MXRA8: variants seen among roughly 807,000 people sequenced by gnomAD.
The protein encoded by MXRA8 is matrix remodeling-associated protein 8.
In MXRA8, 44 loss-of-function variants were observed where a neutral mutation model predicts 51.4. The observed-to-expected ratio is 0.86, with a 90% CI of 0.67 to 1.10. The LOEUF is 1.10. MXRA8 is among the 50% of genes least tolerant of loss of function. MXRA8 has a pLI of 0.00. For synonymous variants in MXRA8, 369 were observed against 293.5 expected (o/e 1.26, Z -2.63); for missense variants, 765 against 638.9 (o/e 1.20, Z -2.13).
chr1:1,358,122 G>A (rs1644167595), intron 1 of MXRA8, among the ~76,000 whole-genome samples: 1 of 152,172 alleles, frequency 6.6e-6, no homozygotes, highest in African/African-American at 2.4e-5. Flanking sequence ...ACAGTTCTCA[G>A]GTCCCCTTCA....
upstream of MXRA8, chr1:1,361,409 G>A (rs1644220726): frequency 4.4e-6 from 3 of 677,444 alleles, no homozygotes; most frequent in South Asian, 3.1e-5. Flanking sequence ...GGACTGTGCT[G>A]CATGTGGTGG....
In MXRA8 at chr1:1,354,738, G is replaced by A. The variant is rs536931224; in HGVS notation, c.893C>T (p.Pro298Leu). 33 of 1,609,178 alleles carry A rather than the reference G, an allele frequency of 2.1e-5. No homozygotes were observed. In the East Asian group the frequency reaches 3.8e-4, roughly 19 times the overall value. The stretch of plus-strand genomic sequence containing the variant: ...GTTGCCCGGAGAGCCCCGGGGGGGC[G>A]GCTCCGCGTGGGGTTCGGCGACCGT... ...HLTVAEPHAE[P>L]PPRGSPGNGS... is the part of the protein sequence containing the mutation. Residue 298 changes from proline (P) to leucine (L), a missense_variant, in exon 5 of 10, where the codon CCG (proline) becomes CTG (leucine). Coordinates refer to ENST00000309212, the MANE Select transcript of MXRA8 (RefSeq NM_032348.4).
upstream of MXRA8, among the ~76,000 whole-genome samples, chr1:1,361,079 CAT>C (rs1447627812): frequency 6.6e-6 from 1 of 151,556 alleles, no homozygotes; most frequent in East Asian, 1.9e-4. Context: ...CGAACACAGA[CAT>C]GCGCACACAC....
At chr1:1,357,711 G>A (rs896593594) in intron 1 of MXRA8, among the ~76,000 whole-genome samples, 5 of 152,204 alleles carry the variant, frequency 3.3e-5, no homozygotes, top group Admixed American at 6.5e-5. Context: ...TTGGGAGGCC[G>A]AGGCAAGAAA....
upstream of MXRA8, among the ~76,000 whole-genome samples, chr1:1,360,829 C>A (rs926925145): frequency 2.0e-5 from 3 of 152,150 alleles, no homozygotes; most frequent in Admixed American, 1.3e-4. Flanking sequence ...CAGCCAAGCC[C>A]ATATTCACTC....
At chr1:1,361,187 C>A (rs1343604036), upstream of MXRA8, 2 of 703,054 alleles carry the variant, frequency 2.8e-6, no homozygotes, top group Admixed American at 2.0e-5. Context: ...GGTCCACACA[C>A]AGAAACAGAG....
Position 1,353,569 on chromosome 1 carries a change from G to A in MXRA8, c.*35C>T. ...CCCGAGGAGCACAGACAGGAGAGGT[G>A]CAGCTGCTGGCCCAGCCAGGAGCCC... On this transcript the variant is annotated 3_prime_UTR_variant, in exon 10 of 10. Transcript: ENST00000309212. The A allele has an allele frequency of 6.4e-7, 1 of 1,555,228 alleles. No homozygotes were observed. The highest frequency in any genetic ancestry group is 1.2e-5 in the South Asian group (1 of 84,442).
rs1338302447 is a variant in MXRA8 at position 1,358,510 on chromosome 1, C to G, written c.-6G>C. ...ATTCGGGATGGCAGCGCCATGGCCC[C>G]CGCCCAGCCCCAGGCTTTGTCCCAC... is the stretch of plus-strand genomic sequence containing the variant. On this transcript the variant is annotated 5_prime_UTR_variant, in exon 1 of 10. Transcript: ENST00000309212. The G allele has an allele frequency of 3.1e-6, 5 of 1,612,842 alleles. No homozygotes were observed. Among genetic ancestry groups the G allele is most frequent in the Non-Finnish European group, 4.2e-6 (5 of 1,179,520 alleles).
Position 1,356,787 on chromosome 1 carries a change from C to T in MXRA8, c.50-83G>A, listed in dbSNP as rs565732504. ...CCCCCACTTGGCCCCCAGAGTCCCT[C>T]CTGTAGTCCCAAAGTGGATGCTGTG... On this transcript the variant is annotated intron_variant, in intron 1 of 9. Coordinates refer to ENST00000309212, the MANE Select transcript of MXRA8 (RefSeq NM_032348.4). 250 of 1,227,264 alleles carry T rather than the reference C, an allele frequency of 2.0e-4. No homozygotes were observed. In the Middle Eastern group the frequency reaches 3.5e-3, roughly 17 times the overall value. 76.0% of individuals were successfully genotyped at this position (1,227,264 alleles called of 1,614,324 possible). A position where few individuals can be genotyped will look rare whatever the true frequency, so the allele number is the denominator to read the frequency against.
chr1:1,358,958 A>G, upstream of MXRA8: 1 of 985,308 alleles, frequency 1.0e-6, no homozygotes. Flanking sequence ...TCCAGGCCCC[A>G]GAAAGGCCTC....
Position 1,354,743 on chromosome 1 carries a change from C to T in MXRA8, c.888G>A (p.Ala296=), listed in dbSNP as rs763896218. 7 of 1,609,810 alleles carry T rather than the reference C, an allele frequency of 4.3e-6. No individual in the cohort carries two copies. The Admixed American group carries it at 6.7e-5, about 15-fold the overall frequency. The change falls in exon 5 of 10, where the codon GCG becomes GCA. Residue 296 remains alanine, a synonymous_variant. Coordinates refer to ENST00000309212, the MANE Select transcript of MXRA8 (RefSeq NM_032348.4). ...CCGGAGAGCCCCGGGGGGGCGGCTC[C>T]GCGTGGGGTTCGGCGACCGTCAGGT... ...VFHLTVAEPH[A]EPPPRGSPGN...
At chr1:1,354,648 C>A (rs750498297) in intron 5 of MXRA8, 34 bp downstream of exon 5, 5 of 1,539,514 alleles carry the variant, frequency 3.2e-6, no homozygotes, top group Middle Eastern at 2.4e-4. Flanking sequence ...GGGTGGGCTC[C>A]CGCCTTCCCG....
intron 1 of MXRA8, among the ~76,000 whole-genome samples, chr1:1,357,584 A>G (rs1644157849): frequency 6.6e-6 from 1 of 152,226 alleles, no homozygotes; most frequent in Non-Finnish European, 1.5e-5. Flanking sequence ...AGGCAGGTGG[A>G]TCACCTGAGG....
At chr1:1,353,787 G>T in intron 9 of MXRA8, 61 bp downstream of exon 9, 1 of 1,509,020 alleles carries the variant, frequency 6.6e-7, no homozygotes. Flanking sequence ...TTGGTCCCAG[G>T]TGAGGTGGAA....
upstream of MXRA8, among the ~76,000 whole-genome samples, chr1:1,362,228 TCTC>T (rs1014400026): frequency 2.0e-5 from 3 of 152,128 alleles, no homozygotes; most frequent in Admixed American, 1.3e-4. Context: ...ACCACCACTG[TCTC>T]CTCCTCCTGG....
chr1:1,358,982 C>T (rs558568080), upstream of MXRA8: 6 of 985,420 alleles, frequency 6.1e-6, no homozygotes, highest in Non-Finnish European at 7.2e-6. Flanking sequence ...GCGCTGAGAC[C>T]GCCCCCACCC....
upstream of MXRA8, chr1:1,361,374 T>C: frequency 5.7e-6 from 4 of 698,260 alleles, no homozygotes; most frequent in South Asian, 4.5e-5. Context: ...GTGCCAGCCA[T>C]GGCCCTCTTG....
At position 1,353,079 on chromosome 1, in the gene MXRA8, T is replaced by C; in HGVS notation, c.*525A>G. ...CTGGAGTCCCACATGGTGGTACAGG[T>C]GGGGGAGCTCTCGGTGGCAGGCAGC... On this transcript the variant is annotated 3_prime_UTR_variant, in exon 10 of 10. Transcript: ENST00000309212. 1.6e-6 allele frequency: 1 copy of C among 630,102 alleles called. No homozygotes were observed. Among genetic ancestry groups the C allele is most frequent in the South Asian group, 1.8e-5 (1 of 54,666 alleles). 39.0% of individuals were successfully genotyped at this position (630,102 alleles called of 1,614,324 possible). A position where few individuals can be genotyped will look rare whatever the true frequency, so the allele number is the denominator to read the frequency against.
intron 2 of MXRA8, 85 bp from the exon 3 acceptor site, chr1:1,355,837 C>G: frequency 5.9e-6 from 2 of 337,436 alleles, no homozygotes; most frequent in Non-Finnish European, 7.1e-6. Flanking sequence ...GGGCAGGGCC[C>G]TGGTGGGGGA....
Sources: allele counts gnomAD v4.1 joint callset (sites outside exome capture counted in the v4.1 genomes callset), GRCh38; gene constraint gnomAD v4.1.1; transcripts MANE v1.5; gene names NCBI Gene and HGNC (gene_info 2026-07-23, HGNC 2026-07-21).